The following MYRIP variants were observed in gnomAD, a reference collection of about 807,000 sequenced individuals.
The protein encoded by MYRIP is rab effector MyRIP.
In MYRIP, 49 loss-of-function variants were observed where a neutral mutation model predicts 98.0. The ratio of observed to expected loss-of-function variants is 0.50; its 90% CI spans 0.40 to 0.63. The LOEUF (loss-of-function observed/expected upper bound fraction) is 0.63, where lower values mean the gene tolerates loss of function less well. MYRIP is among the 30% of genes least tolerant of loss of function. MYRIP has a pLI of 0.00. For missense variants in MYRIP, 1,004 were observed against 1,058.2 expected (o/e 0.95, Z 0.71); for synonymous variants, 404 against 409.5 (o/e 0.99, Z 0.16).
chr3:40,149,741 T>A (rs1241252549), intron 3 of MYRIP, among the ~76,000 whole-genome samples: 1 of 152,210 alleles, frequency 6.6e-6, no homozygotes, highest in African/African-American at 2.4e-5. Context: ...AGCTCTTCCA[T>A]CTGTTCTGAA....
chr3:40,241,099 T>G (rs1952997994), intron 12 of MYRIP, among the ~76,000 whole-genome samples: 1 of 152,190 alleles, frequency 6.6e-6, no homozygotes, highest in Non-Finnish European at 1.5e-5. Context: ...CATAGCATTC[T>G]CAGACCTGTG....
At chr3:39,864,432 T>C (rs1192621376) in intron 1 of MYRIP, among the ~76,000 whole-genome samples, 1 of 152,042 alleles carries the variant, frequency 6.6e-6, no homozygotes, top group Non-Finnish European at 1.5e-5. Flanking sequence ...TTAATCTGAT[T>C]AATAACTTTA....
intron 2 of MYRIP, among the ~76,000 whole-genome samples, chr3:39,977,514 A>G (rs192339764): frequency 2.0e-5 from 3 of 152,294 alleles, no homozygotes; most frequent in South Asian, 2.1e-4. Context: ...GAGCCAGGCA[A>G]AACTCACTCC....
intron 8 of MYRIP, among the ~76,000 whole-genome samples, chr3:40,176,363 T>C (rs1950757840): frequency 6.6e-6 from 1 of 152,246 alleles, no homozygotes; most frequent in Non-Finnish European, 1.5e-5. Context: ...ATGGTGCAGA[T>C]GTAGAACATT....
chr3:40,250,792 A>T (rs1953351848), intron 15 of MYRIP, among the ~76,000 whole-genome samples: 1 of 152,270 alleles, frequency 6.6e-6, no homozygotes, highest in African/African-American at 2.4e-5. Flanking sequence ...TTGGGCAAAT[A>T]AAGCTAAGTC....
intron 2 of MYRIP, among the ~76,000 whole-genome samples, chr3:40,020,492 G>A (rs571941310): frequency 2.6e-5 from 4 of 152,196 alleles, no homozygotes; most frequent in East Asian, 1.9e-4. Context: ...CTTAAATTTC[G>A]AGTGAAGATG....
chr3:40,242,605 T>C (rs1305263593), intron 12 of MYRIP: 2 of 152,188 alleles, frequency 1.3e-5, no homozygotes, highest in African/African-American at 4.8e-5. Flanking sequence ...TGCGTGTTTC[T>C]GCTAAAATCA....
intron 1 of MYRIP, among the ~76,000 whole-genome samples, chr3:39,889,204 A>C (rs1943408543): frequency 6.6e-6 from 1 of 152,228 alleles, no homozygotes; most frequent in East Asian, 1.9e-4. Flanking sequence ...AGTATAAATA[A>C]TGCTGCTATA....
intron 3 of MYRIP, among the ~76,000 whole-genome samples, chr3:40,122,924 T>G (rs759008580): frequency 2.0e-5 from 3 of 152,182 alleles, no homozygotes; most frequent in Non-Finnish European, 4.4e-5. Context: ...ATTTGTTCTA[T>G]AGGTAAATTG....
intron 3 of MYRIP, among the ~76,000 whole-genome samples, chr3:40,093,578 T>G (rs1948767446): frequency 6.6e-6 from 1 of 152,232 alleles, no homozygotes; most frequent in Non-Finnish European, 1.5e-5. Flanking sequence ...CAGGTATGTT[T>G]ACCCCGTGAG....
chr3:39,973,345 G>C (rs1370760145), intron 2 of MYRIP, among the ~76,000 whole-genome samples: 4 of 152,094 alleles, frequency 2.6e-5, no homozygotes, highest in Non-Finnish European at 5.9e-5. Context: ...TCAACAAAAA[G>C]AGCTAACTAT....
intron 2 of MYRIP, among the ~76,000 whole-genome samples, chr3:40,035,326 G>A (rs534212324): frequency 3.6e-4 from 54 of 152,110 alleles, no homozygotes; most frequent in East Asian, 1.4e-3. Flanking sequence ...TATAAGTCAC[G>A]TAGTAATGGA....
At chr3:40,043,915 T>G in intron 2 of MYRIP, 135 bp from the exon 3 acceptor site, 1 of 672,556 alleles carries the variant, frequency 1.5e-6, no homozygotes, top group Non-Finnish European at 2.5e-6. Flanking sequence ...CTTTCTGAGT[T>G]CTCTTGTTCT....
intron 1 of MYRIP, among the ~76,000 whole-genome samples, chr3:39,886,220 G>A (rs568008268): frequency 8.5e-5 from 13 of 152,068 alleles, no homozygotes; most frequent in African/African-American, 1.7e-4. Flanking sequence ...ACCGGTACCA[G>A]CCACTGCAAA....
At chr3:40,153,888 T>C (rs2125577882) in intron 4 of MYRIP, among the ~76,000 whole-genome samples, 1 of 152,246 alleles carries the variant, frequency 6.6e-6, no homozygotes, top group Non-Finnish European at 1.5e-5. Flanking sequence ...TCGCCTGTAA[T>C]CCCAGCACTT....
At chr3:39,922,786 A>T (rs183031978) in intron 2 of MYRIP, among the ~76,000 whole-genome samples, 2 of 152,220 alleles carry the variant, frequency 1.3e-5, no homozygotes, top group African/African-American at 4.8e-5. Context: ...ATAGTATACA[A>T]GTGTCAATAC....
intron 2 of MYRIP, among the ~76,000 whole-genome samples, chr3:39,977,012 T>A (rs573872891): frequency 1.4e-4 from 21 of 152,290 alleles, no homozygotes; most frequent in African/African-American, 5.1e-4. Context: ...AACCTGCACG[T>A]TGTGCACATG....
chr3:40,022,315 C>T (rs992626397), intron 2 of MYRIP, among the ~76,000 whole-genome samples: 4 of 152,106 alleles, frequency 2.6e-5, no homozygotes, highest in African/African-American at 9.7e-5. Flanking sequence ...GGGCTATAAT[C>T]GAGTTAAGTA....
chr3:39,852,737 C>T (rs1381269251), intron 1 of MYRIP, among the ~76,000 whole-genome samples: 1 of 136,318 alleles, frequency 7.3e-6, no homozygotes, highest in Non-Finnish European at 1.6e-5. Context: ...CTCTCCTGTT[C>T]TCCTCTTCTC....
Sources: gnomAD v4.1 joint callset for allele counts (sites outside exome capture counted in the v4.1 genomes callset) on GRCh38, gnomAD v4.1.1 for gene constraint, MANE v1.5 for transcripts, NCBI Gene and HGNC (gene_info 2026-07-23, HGNC 2026-07-21) for gene names.